Variants in PCDHA3 observed in about 807,000 individuals in gnomAD.
The protein encoded by PCDHA3 is protocadherin alpha-3.
In PCDHA3, 41 loss-of-function variants were observed where a neutral mutation model predicts 62.2. The observed-to-expected ratio is 0.66, with a 90% CI of 0.51 to 0.86. PCDHA3 has a LOEUF of 0.86. PCDHA3 is among the 40% of genes least tolerant of loss of function. PCDHA3 has a pLI of 0.00. For synonymous variants in PCDHA3, 640 were observed against 555.4 expected (o/e 1.15, Z -2.14); for missense variants, 1,304 against 1,241.2 (o/e 1.05, Z -0.76).
chr5:140,861,627 T>C, intron 1 of PCDHA3: 1 of 322,548 alleles, frequency 3.1e-6, no homozygotes, highest in South Asian at 3.1e-5. Flanking sequence ...GCCAGTGTTC[T>C]CAGCAACACA....
chr5:140,854,169 A>AAAAAG, intron 1 of PCDHA3: 1 of 675,122 alleles, frequency 1.5e-6, no homozygotes, highest in South Asian at 6.4e-5. Flanking sequence ...CAAAAAAAAA[A>AAAAAG]AAAAAAAGAG....
At chr5:140,898,751 A>G (rs2066956971) in intron 1 of PCDHA3, among the ~76,000 whole-genome samples, 1 of 152,050 alleles carries the variant, frequency 6.6e-6, no homozygotes, top group Admixed American at 6.6e-5. Context: ...CTTGATGGGG[A>G]TGGCATTGAA....
At chr5:140,933,047 A>G (rs1482395906) in intron 1 of PCDHA3, among the ~76,000 whole-genome samples, 2 of 152,030 alleles carry the variant, frequency 1.3e-5, no homozygotes, top group Non-Finnish European at 1.5e-5. Flanking sequence ...TATGGATTAC[A>G]GTCCAGGATC....
At chr5:140,869,770 A>G in intron 1 of PCDHA3, 1 of 1,613,216 alleles carries the variant, frequency 6.2e-7, no homozygotes, top group South Asian at 1.1e-5. Flanking sequence ...ACCAGAGCTT[A>G]CTGGCACCGT....
chr5:140,941,685 A>G (rs983394705), intron 1 of PCDHA3, among the ~76,000 whole-genome samples: 2 of 151,952 alleles, frequency 1.3e-5, no homozygotes, highest in Non-Finnish European at 2.9e-5. Flanking sequence ...TATTCTGTTT[A>G]CCTCTTTGGG....
At chr5:140,896,673 G>T (rs962137649) in intron 1 of PCDHA3, among the ~76,000 whole-genome samples, 1 of 152,000 alleles carries the variant, frequency 6.6e-6, no homozygotes, top group African/African-American at 2.4e-5. Context: ...CACTGTGCCC[G>T]GCCCTTTGCC....
intron 1 of PCDHA3, among the ~76,000 whole-genome samples, chr5:140,886,732 A>C (rs1457707116): frequency 3.9e-5 from 6 of 151,952 alleles, no homozygotes; most frequent in Non-Finnish European, 8.8e-5. Flanking sequence ...AGGCTGAAGC[A>C]AGAGAATTGC....
At chr5:140,847,637 AAAG>A (rs1781114479) in intron 1 of PCDHA3, 1 of 149,768 alleles carries the variant, frequency 6.7e-6, no homozygotes, top group Admixed American at 6.7e-5. Context: ...TGGAGACTAC[AAAG>A]AAGAGATTAT....
chr5:140,812,090 T>C (rs1554125900), intron 1 of PCDHA3: 1 of 152,076 alleles, frequency 6.6e-6, no homozygotes, highest in Non-Finnish European at 1.5e-5. Context: ...CAATTATCAT[T>C]GATTCTTCTT....
chr5:140,952,378 A>G (rs1282372403), intron 1 of PCDHA3, among the ~76,000 whole-genome samples: 1 of 151,376 alleles, frequency 6.6e-6, no homozygotes, highest in Non-Finnish European at 1.5e-5. Flanking sequence ...TTCCTCTGCC[A>G]GGTACCCTAA....
chr5:140,818,588 A>G (rs145310049), intron 1 of PCDHA3, among the ~76,000 whole-genome samples: 121 of 152,278 alleles, frequency 7.9e-4, no homozygotes, highest in Middle Eastern at 3.4e-3. Context: ...TATAATCCCA[A>G]CACCTGTGTG....
At chr5:140,808,435 G>C in intron 1 of PCDHA3, 2 of 1,614,194 alleles carry the variant, frequency 1.2e-6, no homozygotes, top group Non-Finnish European at 1.7e-6. Context: ...TGGACCGCGA[G>C]AGCGTGTCAG....
chr5:140,960,395 AG>A (rs562972971), intron 1 of PCDHA3, among the ~76,000 whole-genome samples: 1 of 152,150 alleles, frequency 6.6e-6, no homozygotes, highest in African/African-American at 2.4e-5. Context: ...TTAGGATGCA[AG>A]GGGGGGTGCC....
chr5:140,989,630 G>C (rs1483532761), intron 3 of PCDHA3, among the ~76,000 whole-genome samples: 4 of 152,228 alleles, frequency 2.6e-5, no homozygotes, highest in Admixed American at 2.6e-4. Context: ...CCTAGTGACA[G>C]CAAGGGTCTT....
At chr5:140,824,994 A>G (rs979959143) in intron 1 of PCDHA3, 3 of 152,118 alleles carry the variant, frequency 2.0e-5, no homozygotes, top group Admixed American at 2.0e-4. Context: ...AAACACATAT[A>G]CATGGTTTAC....
At chr5:140,820,015 A>G (rs1338632011) in intron 1 of PCDHA3, among the ~76,000 whole-genome samples, 1 of 151,992 alleles carries the variant, frequency 6.6e-6, no homozygotes, top group Non-Finnish European at 1.5e-5. Context: ...AATTTATTCC[A>G]TAGCTTTGTA....
In PCDHA3 at chr5:140,858,048, C is replaced by G. The variant is rs1203574330; in HGVS notation, c.2394+54457C>G. 9.4e-6 allele frequency: 15 copies of G among 1,597,302 alleles called. 2 individuals carry two copies. Among genetic ancestry groups the G allele is most frequent in the Non-Finnish European group, 1.2e-5 (14 of 1,167,436 alleles). On this transcript the variant is annotated intron_variant, in intron 1 of 3. Transcript: ENST00000522353. ...ACGGCCACGGCCACTGTGCTTGTGT[C>G]GCTTGTGGAGGGCAGCCAGGCACCC...
chr5:140,869,456 AT>A (rs1175063244), intron 1 of PCDHA3: 1 of 1,614,072 alleles, frequency 6.2e-7, no homozygotes, highest in East Asian at 2.2e-5. Flanking sequence ...CAGGTTTTCC[AT>A]GTGAACGTGG....
At chr5:140,963,275 A>G (rs2095752915) in intron 1 of PCDHA3, among the ~76,000 whole-genome samples, 1 of 152,160 alleles carries the variant, frequency 6.6e-6, no homozygotes, top group Non-Finnish European at 1.5e-5. Flanking sequence ...AAATGTATGT[A>G]AGATTTTATA....
Sources: gnomAD v4.1 joint callset for allele counts (sites outside exome capture counted in the v4.1 genomes callset) on GRCh38, gnomAD v4.1.1 for gene constraint, MANE v1.5 for transcripts, NCBI Gene and HGNC (gene_info 2026-07-23, HGNC 2026-07-21) for gene names.